The following FHIT variants were observed in gnomAD, a reference collection of about 807,000 sequenced individuals.
The protein encoded by FHIT is bis(5'-adenosyl)-triphosphatase.
FHIT carries 19 observed loss-of-function variants against 17.9 expected under a neutral mutation model. That is an observed-to-expected ratio of 1.06 (90% CI 0.74 to 1.56). FHIT has a LOEUF of 1.56. Ranked by LOEUF, FHIT falls within the 40% of genes most tolerant of loss-of-function variation. FHIT has a pLI of 0.00. For synonymous variants in FHIT, 81 were observed against 69.7 expected, an observed-to-expected ratio of 1.16 and a Z score of -0.81; for missense variants, 248 against 189.2, an observed-to-expected ratio of 1.31 and a Z score of -1.82.
chr3:61,180,908 A>G (rs1272151082), intron 2 of FHIT, among the ~76,000 whole-genome samples: 1 of 152,218 alleles, frequency 6.6e-6, no homozygotes, highest in Non-Finnish European at 1.5e-5. Flanking sequence ...GATAGTAATC[A>G]TTTTAGGCCT....
At chr3:60,111,028 A>G (rs1704645308) in intron 5 of FHIT, among the ~76,000 whole-genome samples, 1 of 152,202 alleles carries the variant, frequency 6.6e-6, no homozygotes, top group Admixed American at 6.5e-5. Context: ...TAACTCATAC[A>G]TCCATATTGT....
At chr3:60,241,374 A>T (rs1283856906) in intron 5 of FHIT, among the ~76,000 whole-genome samples, 1 of 152,180 alleles carries the variant, frequency 6.6e-6, no homozygotes, top group Non-Finnish European at 1.5e-5. Context: ...AGTCAAATTT[A>T]TATTAAAAAT....
rs575848521 is a variant in FHIT, at chr3:60,005,151, T to A, written c.279+6220A>T. ...TCTCACCCTCATCCCTGCTTCAGGA[T>A]CTCTCTCATCTCTTTCACCTTAGCT... On this transcript the variant is annotated intron_variant, in intron 7 of 9. Coordinates refer to ENST00000492590, the MANE Select transcript of FHIT (RefSeq NM_002012.4). Among the ~76,000 whole-genome samples the A allele has an allele frequency of 1.2e-4, 18 of 152,274 alleles. 1 individual carries two copies. In the South Asian group the frequency reaches 1.2e-3, roughly 11 times the overall value.
chr3:59,958,043 A>G (rs1221321456), intron 7 of FHIT, among the ~76,000 whole-genome samples: 2 of 152,236 alleles, frequency 1.3e-5, no homozygotes, highest in Admixed American at 6.5e-5. Context: ...GAAGGTGACC[A>G]TACCATATGC....
intron 5 of FHIT, among the ~76,000 whole-genome samples, chr3:60,357,652 G>A (rs973791833): frequency 6.6e-6 from 1 of 152,176 alleles, no homozygotes; most frequent in Admixed American, 6.5e-5. Flanking sequence ...AAGCCAGGAA[G>A]CTTAATCCAA....
Position 60,350,970 on chromosome 3 carries a change from G to A in FHIT, c.103+185890C>T, listed in dbSNP as rs563487594. ...ATGAATCCTACAGCCACAAAGAAAC[G>A]AAGTCTGTCAACAACCTGAGGGAGC... is the stretch of plus-strand genomic sequence containing the variant. On this transcript the variant is annotated intron_variant, in intron 5 of 9. Coordinates refer to ENST00000492590, the MANE Select transcript of FHIT (RefSeq NM_002012.4). 4.6e-5 allele frequency among the ~76,000 whole-genome samples: 7 copies of A among 152,232 alleles called. No homozygotes were observed. The East Asian group carries it at 5.8e-4, about 13-fold the overall frequency.
rs192045520 is a variant in FHIT at position 60,475,300 on chromosome 3, T to G, written c.103+61560A>C. ...GAGTTAAGTAACTCAGTAACTTAAA[T>G]GTTTTTCTCCCTTAGCTGAAATGAT... On this transcript the variant is annotated intron_variant, in intron 5 of 9. Coordinates refer to ENST00000492590, the MANE Select transcript of FHIT (RefSeq NM_002012.4). Among the ~76,000 whole-genome samples, 10 of 152,338 alleles carry G rather than the reference T, an allele frequency of 6.6e-5. No individual in the cohort carries two copies. In the East Asian group the frequency reaches 1.9e-3, roughly 29 times the overall value.
At chr3:59,855,037 C>T (rs1214721096) in intron 8 of FHIT, among the ~76,000 whole-genome samples, 1 of 152,218 alleles carries the variant, frequency 6.6e-6, no homozygotes, top group Non-Finnish European at 1.5e-5. Context: ...ATTGTGGCCT[C>T]TGAAGCAGTT....
chr3:60,556,446 C>T (rs1423241994), intron 4 of FHIT, among the ~76,000 whole-genome samples: 1 of 152,196 alleles, frequency 6.6e-6, no homozygotes, highest in Non-Finnish European at 1.5e-5. Flanking sequence ...GCAACAAGAG[C>T]CTTGCACCAA....
rs1378501390 is a variant in FHIT at position 60,245,520 on chromosome 3, C to T, written c.104-231368G>A. On this transcript the variant is annotated intron_variant, in intron 5 of 9. Coordinates refer to ENST00000492590, the MANE Select transcript of FHIT (RefSeq NM_002012.4). Reference sequence around the variant, plus strand: ...GTTAATCAACCTTACCAACAAGTGACTAACTGAACATTACAATTTCATTAC... The same window carrying T: ...GTTAATCAACCTTACCAACAAGTGATTAACTGAACATTACAATTTCATTAC... Among the ~76,000 whole-genome samples, 3 of 151,962 alleles carry T rather than the reference C, an allele frequency of 2.0e-5. No homozygotes were observed. In the East Asian group the frequency reaches 5.8e-4, roughly 29 times the overall value.
chr3:60,277,517 G>C (rs1031351410), intron 5 of FHIT, among the ~76,000 whole-genome samples: 7 of 152,156 alleles, frequency 4.6e-5, no homozygotes, highest in African/African-American at 1.7e-4. Context: ...CACATGTAGA[G>C]TAACGAGCAG....
intron 3 of FHIT, among the ~76,000 whole-genome samples, chr3:60,834,277 T>C (rs1702442643): frequency 6.6e-6 from 1 of 152,222 alleles, no homozygotes; most frequent in Admixed American, 6.5e-5. Flanking sequence ...GTTGTTATCA[T>C]TATCTTTTAT....
intron 5 of FHIT, among the ~76,000 whole-genome samples, chr3:60,209,635 G>A (rs1313853412): frequency 2.0e-5 from 3 of 152,142 alleles, no homozygotes; most frequent in African/African-American, 7.2e-5. Flanking sequence ...CAAGGAAAGT[G>A]AGTGAAAAAC....
At chr3:60,230,696 A>G (rs1197198509) in intron 5 of FHIT, among the ~76,000 whole-genome samples, 1 of 152,156 alleles carries the variant, frequency 6.6e-6, no homozygotes, top group Non-Finnish European at 1.5e-5. Flanking sequence ...AGAATTCTCA[A>G]AATAGTATTA....
intron 5 of FHIT, among the ~76,000 whole-genome samples, chr3:60,163,221 C>G (rs372546671): frequency 3.3e-5 from 5 of 152,142 alleles, no homozygotes; most frequent in African/African-American, 1.2e-4. Flanking sequence ...TCCTAAGAAA[C>G]AGAGCACAGA....
intron 7 of FHIT, 91 bp from the exon 8 acceptor site, chr3:59,922,505 C>A (rs1031921725): frequency 6.8e-5 from 70 of 1,036,702 alleles, no homozygotes; most frequent in Middle Eastern, 2.0e-4. Context: ...CCAATTACTC[C>A]ACGATGGTTC....
chr3:60,277,082 A>G (rs1707180351), intron 5 of FHIT, among the ~76,000 whole-genome samples: 1 of 152,186 alleles, frequency 6.6e-6, no homozygotes, highest in South Asian at 2.1e-4. Flanking sequence ...TCTTGCTGAC[A>G]TCTTAATTAC....
chr3:60,626,237 A>G (rs1553680893), intron 4 of FHIT, among the ~76,000 whole-genome samples: 2 of 152,122 alleles, frequency 1.3e-5, no homozygotes, highest in African/African-American at 4.8e-5. Flanking sequence ...TTTTAGGATT[A>G]TCCTGTCAAG....
chr3:61,121,522 A>G (rs1401706624), intron 2 of FHIT, among the ~76,000 whole-genome samples: 1 of 152,180 alleles, frequency 6.6e-6, no homozygotes, highest in East Asian at 1.9e-4. Context: ...AAAATCCTTT[A>G]TGGACAAGCA....
Sources: gnomAD v4.1 joint callset for allele counts (sites outside exome capture counted in the v4.1 genomes callset) on GRCh38, gnomAD v4.1.1 for gene constraint, MANE v1.5 for transcripts, NCBI Gene and HGNC (gene_info 2026-07-23, HGNC 2026-07-21) for gene names.